Variants in CNTNAP2 observed in about 807,000 individuals in gnomAD.
CNTNAP2 encodes contactin-associated protein-like 2.
Under a neutral mutation model 155.2 loss-of-function variants are expected in CNTNAP2, and 98 were observed. The ratio of observed to expected loss-of-function variants is 0.63; its 90% CI spans 0.54 to 0.75. The LOEUF (loss-of-function observed/expected upper bound fraction) is 0.75. Among genes scored for constraint, CNTNAP2 ranks in the 30% least tolerant of loss-of-function variants. The probability of loss-of-function intolerance (pLI) is 0.00; values close to 1 mark genes in which losing one functional copy is unlikely to be tolerated. For synonymous variants in CNTNAP2, 651 were observed against 631.2 expected (o/e 1.03, Z -0.47); for missense variants, 1,727 against 1,688.1 (o/e 1.02, Z -0.40).
chr7:147,038,374 T>C lies in CNTNAP2; in HGVS notation c.403-5533T>C, dbSNP rs573953199. ...TATCTAAATCTTCACTAATTATCTT[T>C]CCCTTCAAATATTGTTGTATTAGTC... is the stretch of plus-strand genomic sequence containing the variant. On this transcript the variant is annotated intron_variant, in intron 3 of 23. Coordinates refer to ENST00000361727, the MANE Select transcript of CNTNAP2 (RefSeq NM_014141.6). 2.6e-5 allele frequency among the ~76,000 whole-genome samples: 4 copies of C among 152,312 alleles called. No individual in the cohort carries two copies. In the East Asian group the frequency reaches 7.7e-4, roughly 29 times the overall value.
chr7:146,192,922 C>T (rs1325812273), intron 1 of CNTNAP2, among the ~76,000 whole-genome samples: 1 of 152,190 alleles, frequency 6.6e-6, no homozygotes, highest in Non-Finnish European at 1.5e-5. Flanking sequence ...AGGGTAAATA[C>T]ACCTGTTCCA....
intron 8 of CNTNAP2, among the ~76,000 whole-genome samples, chr7:147,141,219 G>A (rs549296267): frequency 2.0e-5 from 3 of 152,126 alleles, no homozygotes; most frequent in East Asian, 1.9e-4. Context: ...TGACACATGC[G>A]AAGATTTAAC....
At chr7:147,553,403 C>T (rs577809635) in intron 11 of CNTNAP2, among the ~76,000 whole-genome samples, 1 of 152,144 alleles carries the variant, frequency 6.6e-6, no homozygotes, top group Admixed American at 6.5e-5. Flanking sequence ...TTGCAACCTC[C>T]TATTCATCCT....
At chr7:146,362,546 T>C (rs958752856) in intron 1 of CNTNAP2, among the ~76,000 whole-genome samples, 2 of 152,144 alleles carry the variant, frequency 1.3e-5, no homozygotes, top group Non-Finnish European at 2.9e-5. Flanking sequence ...TATGTTTTCA[T>C]ATCTGAGGAA....
intron 1 of CNTNAP2, among the ~76,000 whole-genome samples, chr7:146,680,252 G>A (rs73166373): frequency 0.11 from 16,583 of 152,124 alleles, 1,484 homozygotes; most frequent in African/African-American, 0.24. Flanking sequence ...TTTGGATTAT[G>A]TAACCACATG....
intron 13 of CNTNAP2, among the ~76,000 whole-genome samples, chr7:147,902,022 C>T (rs1440167837): frequency 2.6e-5 from 4 of 152,168 alleles, no homozygotes; most frequent in South Asian, 4.1e-4. Flanking sequence ...TGCTTAGCTC[C>T]AATATTCTAT....
At chr7:146,414,523 A>G (rs1451868200) in intron 1 of CNTNAP2, among the ~76,000 whole-genome samples, 1 of 152,028 alleles carries the variant, frequency 6.6e-6, no homozygotes, top group African/African-American at 2.4e-5. Flanking sequence ...AGGGGAGACT[A>G]TTTCTCCATA....
intron 8 of CNTNAP2, among the ~76,000 whole-genome samples, chr7:147,220,485 T>C (rs1008655596): frequency 6.6e-6 from 1 of 152,202 alleles, no homozygotes; most frequent in Non-Finnish European, 1.5e-5. Context: ...AAACTGATTA[T>C]TGATATAGTT....
intron 1 of CNTNAP2, among the ~76,000 whole-genome samples, chr7:146,334,955 A>G (rs944533795): frequency 6.6e-6 from 1 of 152,130 alleles, no homozygotes; most frequent in Non-Finnish European, 1.5e-5. Flanking sequence ...CATTGATCAC[A>G]TCCCAAACTC....
intron 4 of CNTNAP2, among the ~76,000 whole-genome samples, chr7:147,050,997 T>C (rs1045512094): frequency 2.6e-5 from 4 of 152,046 alleles, no homozygotes; most frequent in African/African-American, 7.2e-5. Context: ...TCTCTGTGTC[T>C]TCAAATAGTC....
chr7:148,319,040 A>G (rs543397144), intron 21 of CNTNAP2, among the ~76,000 whole-genome samples: 1 of 152,368 alleles, frequency 6.6e-6, no homozygotes, highest in East Asian at 1.9e-4. Context: ...ATTGCATTAC[A>G]AGCTATTCCT....
intron 1 of CNTNAP2, among the ~76,000 whole-genome samples, chr7:146,169,546 G>T (rs969527667): frequency 1.3e-5 from 2 of 152,088 alleles, no homozygotes; most frequent in Non-Finnish European, 2.9e-5. Context: ...CAAGTATACA[G>T]TATAGTATAA....
intron 14 of CNTNAP2, among the ~76,000 whole-genome samples, chr7:147,941,821 C>T (rs115549889): frequency 0.021 from 3,203 of 152,194 alleles, 112 homozygotes; most frequent in African/African-American, 0.073. Context: ...CTTTTAAAAC[C>T]GTCACTCTTT....
At position 146,246,300 on chromosome 7, in the gene CNTNAP2, G is replaced by A. The variant is rs192377741; in HGVS notation, c.97+129327G>A. On this transcript the variant is annotated intron_variant, in intron 1 of 23. Coordinates refer to ENST00000361727, the MANE Select transcript of CNTNAP2 (RefSeq NM_014141.6). ...TTGGGAAGAAGGGCAGCAATGAGAT[G>A]TAGCTGTAATCCAGGAATAGTCAGG... is the stretch of plus-strand genomic sequence containing the variant. Among the ~76,000 whole-genome samples the A allele has an allele frequency of 1.7e-3, 252 of 150,684 alleles. No homozygotes were observed. In the East Asian group the frequency reaches 0.017, roughly 10 times the overall value.
chr7:146,703,114 C>G (rs1800905062), intron 1 of CNTNAP2, among the ~76,000 whole-genome samples: 1 of 152,178 alleles, frequency 6.6e-6, no homozygotes, highest in Non-Finnish European at 1.5e-5. Flanking sequence ...GCAGATGTAT[C>G]TATGCTTGTA....
At chr7:146,332,364 T>C (rs116675043) in intron 1 of CNTNAP2, among the ~76,000 whole-genome samples, 4,349 of 152,164 alleles carry the variant, frequency 0.029, 214 homozygotes, top group African/African-American at 0.098. Flanking sequence ...TAAAACAAAA[T>C]TGGAAACAAC....
intron 8 of CNTNAP2, among the ~76,000 whole-genome samples, chr7:147,228,987 C>T (rs192803326): frequency 2.0e-5 from 3 of 152,190 alleles, no homozygotes; most frequent in Non-Finnish European, 2.9e-5. Flanking sequence ...GACATGAACT[C>T]ATCCTTTTGT....
intron 1 of CNTNAP2, among the ~76,000 whole-genome samples, chr7:146,304,003 TC>T (rs532938232): frequency 2.0e-3 from 306 of 152,224 alleles, no homozygotes; most frequent in African/African-American, 6.9e-3. Context: ...GTTGAATTGA[TC>T]CCTTTACCAT....
Position 146,663,283 on chromosome 7 carries a change from A to AG in CNTNAP2, c.98-110988_98-110987insG, listed in dbSNP as rs1260315889. Among the ~76,000 whole-genome samples, 300 of 110,878 alleles carry AG rather than the reference A, an allele frequency of 2.7e-3. 3 individuals are homozygous for AG. The highest frequency in any genetic ancestry group is 4.9e-3 in the Non-Finnish European group (251 of 50,740). 72.7% of individuals were successfully genotyped at this position (110,878 alleles called of 152,430 possible). ...CAAGAGTGAAACTCCATCTCAAAAA[A>AG]AAAAAAAAAAAAAAAGAAAGAAAGA... On this transcript the variant is annotated intron_variant, in intron 1 of 23. Transcript: ENST00000361727.
Sources: allele counts gnomAD v4.1 joint callset (sites outside exome capture counted in the v4.1 genomes callset), GRCh38; gene constraint gnomAD v4.1.1; transcripts MANE v1.5; gene names NCBI Gene and HGNC (gene_info 2026-07-23, HGNC 2026-07-21).